Variants in GLYATL3 observed in about 807,000 individuals in gnomAD.
GLYATL3 encodes the protein glycine-N-acyltransferase like 3.
Under a neutral mutation model 28.5 loss-of-function variants are expected in GLYATL3, and 31 were observed. The ratio of observed to expected loss-of-function variants is 1.09; its 90% confidence interval spans 0.82 to 1.47. The LOEUF (loss-of-function observed/expected upper bound fraction) is 1.47. GLYATL3 is among the 40% of genes most tolerant of loss of function. The pLI, the probability that GLYATL3 is intolerant of heterozygous loss-of-function variation, is 0.00. For missense variants in GLYATL3, 369 were observed against 351.5 expected (o/e 1.05, Z -0.40); for synonymous variants, 141 against 140.2 (o/e 1.01, Z -0.04).
At position 49,515,866 on chromosome 6, in the gene GLYATL3, C is replaced by T. The variant is rs576199810; in HGVS notation, c.186+106C>T. On this transcript the variant is annotated intron_variant, in intron 3 of 5. Transcript: ENST00000371197. Reference sequence around the variant, plus strand: ...TAGCCATTTACATTAGCTTACAACACTGTTTCACCATTCATTTCTTTTCTT... The same window carrying T: ...TAGCCATTTACATTAGCTTACAACATTGTTTCACCATTCATTTCTTTTCTT... The T allele has an allele frequency of 1.1e-3, 626 of 571,896 alleles. 7 individuals carry two copies. The African/African-American group carries it at 0.025, about 23-fold the overall frequency. The allele number at this position is 571,896 out of a possible 1,614,324, so 35.4% of individuals were successfully genotyped here.
At chr6:49,516,282 G>A (rs1769214411) in intron 3 of GLYATL3, among the ~76,000 whole-genome samples, 1 of 151,994 alleles carries the variant, frequency 6.6e-6, no homozygotes, top group African/African-American at 2.4e-5. Context: ...GCTTCAGAGT[G>A]TCAGGAACTT....
chr6:49,526,446 T>G (rs1190064383), intron 5 of GLYATL3, 42 bp from the exon 6 acceptor site: 235 of 1,486,798 alleles, frequency 1.6e-4, no homozygotes, highest in Non-Finnish European at 1.9e-4. Context: ...TATAACCACA[T>G]GAGTCTGAGG....
chr6:49,512,647 T>C (rs1769145399), intron 2 of GLYATL3, among the ~76,000 whole-genome samples: 1 of 152,212 alleles, frequency 6.6e-6, no homozygotes, highest in Admixed American at 6.5e-5. Flanking sequence ...TAGATCTTGT[T>C]ATAAATGCAG....
intron 2 of GLYATL3, among the ~76,000 whole-genome samples, chr6:49,514,245 T>C (rs1019205878): frequency 5.3e-5 from 8 of 152,208 alleles, no homozygotes; most frequent in African/African-American, 1.7e-4. Flanking sequence ...ATAATTTAGT[T>C]GTGCCTGTTT....
In GLYATL3 at chr6:49,526,648, G is replaced by C; in HGVS notation, c.601G>C (p.Val201Leu). The C allele has an allele frequency of 6.4e-7, 1 of 1,551,842 alleles. No individual in the cohort carries two copies. Among genetic ancestry groups the C allele is most frequent in the Non-Finnish European group, 8.7e-7 (1 of 1,147,012 alleles). The change falls in exon 6 of 6, where the codon GTC becomes CTC. Residue 201 changes from valine to leucine, a missense_variant. By Grantham distance (32) the Val-to-Leu change is conservative (BLOSUM62 1). Transcript: ENST00000371197. ...VCVRDEKGNP[V>L]SWSITDQFAT... is the part of the protein sequence containing the mutation. ...TGTCCGGGATGAGAAGGGAAACCCG[G>C]TCTCCTGGTCCATCACAGACCAGTT... is the stretch of plus-strand genomic sequence containing the variant.
intron 1 of GLYATL3, among the ~76,000 whole-genome samples, chr6:49,501,294 C>A (rs1427776168): frequency 6.6e-6 from 1 of 152,076 alleles, no homozygotes; most frequent in Non-Finnish European, 1.5e-5. Flanking sequence ...GGGAGCTGGC[C>A]AGCAGCCCGC....
intron 2 of GLYATL3, among the ~76,000 whole-genome samples, chr6:49,514,638 C>G (rs1204501526): frequency 6.6e-6 from 1 of 151,776 alleles, no homozygotes; most frequent in Non-Finnish European, 1.5e-5. Context: ...CGAGACCTGC[C>G]TGGGCAACAT....
chr6:49,516,579 AC>A (rs976878735), intron 3 of GLYATL3, among the ~76,000 whole-genome samples: 3 of 152,028 alleles, frequency 2.0e-5, no homozygotes, highest in African/African-American at 7.2e-5. Flanking sequence ...TGAGTTATAT[AC>A]CCTCTTTATT....
chr6:49,507,743 A>G (rs1250251368), intron 1 of GLYATL3, among the ~76,000 whole-genome samples: 1 of 152,130 alleles, frequency 6.6e-6, no homozygotes, highest in Non-Finnish European at 1.5e-5. Context: ...TCCCAGACAG[A>G]TCGGCAGGTT....
chr6:49,512,004 A>G lies in GLYATL3; in HGVS notation c.14A>G (p.Asn5Ser). The G allele has an allele frequency of 6.7e-7, 1 of 1,500,774 alleles. No homozygotes were observed. Among genetic ancestry groups the G allele is most frequent in the South Asian group, 1.2e-5 (1 of 80,628 alleles). 93.0% of individuals were successfully genotyped at this position (1,500,774 alleles called of 1,614,324 possible). MLVL[N>S]CSTKLLILEK... is the part of the protein sequence containing the mutation. Reference sequence around the variant, plus strand: ...GCTCTGGAAAAGATGTTGGTGCTAAACTGTTCTACCAAATTACTGATACTG... The same window carrying G: ...GCTCTGGAAAAGATGTTGGTGCTAAGCTGTTCTACCAAATTACTGATACTG... Residue 5 changes from asparagine to serine, a missense_variant, in exon 2 of 6, where the codon AAC (asparagine) becomes AGC (serine). Physicochemically the swap from Asn to Ser is conservative, Grantham distance 46. Coordinates refer to ENST00000371197, the MANE Select transcript of GLYATL3 (RefSeq NM_001010904.2).
At chr6:49,505,802 AATTAGGAAGAAATACCC>A (rs1351979029) in intron 1 of GLYATL3, among the ~76,000 whole-genome samples, 1 of 152,208 alleles carries the variant, frequency 6.6e-6, no homozygotes, top group African/African-American at 2.4e-5. Flanking sequence ...TTAGAGGCTG[AATTAGGAAGAAATACCC>A]ATTCAACTAG....
chr6:49,517,457 ACTAATGC>A lies in GLYATL3; in HGVS notation c.218_224del (p.Asn73MetfsTer49). 6.5e-7 allele frequency: 1 copy of A among 1,546,576 alleles called. No individual in the cohort carries two copies. The highest frequency in any genetic ancestry group is 8.7e-7 in the Non-Finnish European group (1 of 1,144,168). ...TGAGACAGATAACCTTGATCATTAT[ACTAATGC>A]CTATGCTGTGTTCTACAAGGATGTC... On this transcript the variant is annotated frameshift_variant, in exon 4 of 6. Coordinates refer to ENST00000371197, the MANE Select transcript of GLYATL3 (RefSeq NM_001010904.2). LOFTEE classifies it high-confidence loss of function.
At chr6:49,517,696 C>A in intron 4 of GLYATL3, 140 bp downstream of exon 4, 1 of 527,042 alleles carries the variant, frequency 1.9e-6, no homozygotes, top group Non-Finnish European at 3.1e-6. Flanking sequence ...CATACACATA[C>A]ATTTTATGCA....
chr6:49,502,868 T>A (rs939615717), intron 1 of GLYATL3, among the ~76,000 whole-genome samples: 2 of 152,214 alleles, frequency 1.3e-5, no homozygotes, highest in African/African-American at 4.8e-5. Flanking sequence ...AAGGCCTATG[T>A]AAGGCTACGG....
chr6:49,515,345 C>G (rs1769196482), intron 2 of GLYATL3, among the ~76,000 whole-genome samples: 1 of 152,144 alleles, frequency 6.6e-6, no homozygotes, highest in Admixed American at 6.5e-5. Flanking sequence ...TACTGCTGAC[C>G]TATGTGCCAA....
At position 49,527,020 on chromosome 6, in the gene GLYATL3, G is replaced by T; in HGVS notation, c.*106G>T. ...ATGGGAATCAGGGGACTCTTGAGTT[G>T]TTGGAAAGGGTCTGGAGAATATATA... On this transcript the variant is annotated 3_prime_UTR_variant, in exon 6 of 6. Coordinates refer to ENST00000371197, the MANE Select transcript of GLYATL3 (RefSeq NM_001010904.2). 1 of 832,718 alleles carries T rather than the reference G, an allele frequency of 1.2e-6. No homozygotes were observed. The highest frequency in any genetic ancestry group is 1.8e-6 in the Non-Finnish European group (1 of 548,820). 51.6% of individuals were successfully genotyped at this position (832,718 alleles called of 1,614,324 possible).
chr6:49,523,552 C>T (rs1769351929), intron 5 of GLYATL3, among the ~76,000 whole-genome samples: 1 of 152,196 alleles, frequency 6.6e-6, no homozygotes. Context: ...AGCCCCCCTC[C>T]AGATCCATGT....
intron 1 of GLYATL3, among the ~76,000 whole-genome samples, chr6:49,505,831 G>A (rs892293236): frequency 6.6e-6 from 1 of 152,158 alleles, no homozygotes; most frequent in Non-Finnish European, 1.5e-5. Context: ...TTCAACTAGA[G>A]AATTATTTTG....
At chr6:49,513,920 C>T (rs925011951) in intron 2 of GLYATL3, among the ~76,000 whole-genome samples, 3 of 152,078 alleles carry the variant, frequency 2.0e-5, no homozygotes, top group Admixed American at 1.3e-4. Flanking sequence ...GCAAGGTCCC[C>T]TTTCTTTAAA....
Sources: allele counts gnomAD v4.1 joint callset (sites outside exome capture counted in the v4.1 genomes callset), GRCh38; gene constraint gnomAD v4.1.1; transcripts MANE v1.5; gene names NCBI Gene and HGNC (gene_info 2026-07-23, HGNC 2026-07-21).